The following PPP2R2B variants were observed in gnomAD, a reference collection of about 807,000 sequenced individuals.
The protein encoded by PPP2R2B is serine/threonine-protein phosphatase 2A 55 kDa regulatory subunit B beta isoform.
In PPP2R2B, 5 loss-of-function variants were observed where a neutral mutation model predicts 46.0. The ratio of observed to expected loss-of-function variants is 0.11; its 90% CI spans 0.06 to 0.23. The LOEUF (loss-of-function observed/expected upper bound fraction) is 0.23. PPP2R2B is among the 10% of genes least tolerant of loss of function. PPP2R2B has a pLI of 1.00. For missense variants in PPP2R2B, 367 were observed against 575.0 expected (o/e 0.64, Z 3.70); for synonymous variants, 215 against 206.7 (o/e 1.04, Z -0.34).
chr5:146,996,311 T>A (rs1033942380), intron 1 of PPP2R2B, among the ~76,000 whole-genome samples: 1 of 152,306 alleles, frequency 6.6e-6, no homozygotes, highest in South Asian at 2.1e-4. Context: ...GAAGTCATTA[T>A]GGGGCATAGC....
intron 2 of PPP2R2B, among the ~76,000 whole-genome samples, chr5:147,079,881 T>G (rs1454835832): frequency 1.3e-5 from 2 of 152,158 alleles, no homozygotes; most frequent in African/African-American, 4.8e-5. Flanking sequence ...AGGTAATGGA[T>G]ATGCTAATCA....
intron 2 of PPP2R2B, among the ~76,000 whole-genome samples, chr5:146,812,815 A>ATATATATT (rs1554140184): frequency 2.8e-5 from 1 of 35,636 alleles, no homozygotes; most frequent in Non-Finnish European, 6.4e-5. Context: ...ATATATATAT[A>ATATATATT]TATATATATA....
chr5:146,894,209 G>T (rs1762576529), intron 1 of PPP2R2B, among the ~76,000 whole-genome samples: 1 of 152,196 alleles, frequency 6.6e-6, no homozygotes, highest in South Asian at 2.1e-4. Flanking sequence ...CTAAAGTGCA[G>T]ATCTGATCAT....
intron 7 of PPP2R2B, among the ~76,000 whole-genome samples, chr5:146,608,290 A>ATTTC (rs1055160549): frequency 6.6e-6 from 1 of 152,104 alleles, no homozygotes; most frequent in African/African-American, 2.4e-5. Context: ...TAAACTGCAA[A>ATTTC]TTTCTTTCCT....
chr5:146,724,952 G>C (rs1338636124), intron 2 of PPP2R2B, among the ~76,000 whole-genome samples: 7 of 152,098 alleles, frequency 4.6e-5, no homozygotes, highest in Admixed American at 4.6e-4. Flanking sequence ...GTTAGGAAGG[G>C]AGAACACTGA....
chr5:146,903,393 T>C (rs7729242), intron 1 of PPP2R2B, among the ~76,000 whole-genome samples: 1,971 of 45,632 alleles, frequency 0.043, 43 homozygotes, highest in African/African-American at 0.25. Context: ...TTCTTTCTCT[T>C]TTTTTTTTTT....
chr5:146,755,391 T>C (rs1040860924), intron 2 of PPP2R2B, among the ~76,000 whole-genome samples: 4 of 152,238 alleles, frequency 2.6e-5, no homozygotes, highest in African/African-American at 9.6e-5. Flanking sequence ...ACTCATTTAA[T>C]AATAAACAAG....
At chr5:146,720,770 C>T (rs1780749356) in intron 2 of PPP2R2B, among the ~76,000 whole-genome samples, 2 of 152,174 alleles carry the variant, frequency 1.3e-5, no homozygotes, top group Admixed American at 1.3e-4. Flanking sequence ...TGAATATTGA[C>T]AGATTCAGTT....
rs151100881 is a variant in PPP2R2B at position 146,711,968 on chromosome 5, T to C, written c.71-10826A>G. On this transcript the variant is annotated intron_variant, in intron 2 of 9. Transcript: ENST00000394411. ...CCTTGCATGCAATAAATCTCTTTTATTTCTCTAAAGGACAAATTGAACACT... is the reference window on the plus strand; with the variant it reads ...CCTTGCATGCAATAAATCTCTTTTACTTCTCTAAAGGACAAATTGAACACT... Among the ~76,000 whole-genome samples the C allele has an allele frequency of 6.0e-4, 92 of 152,322 alleles. 2 individuals are homozygous for C. The East Asian group carries it at 0.017, about 27-fold the overall frequency.
At chr5:146,689,648 T>G (rs929522235) in intron 5 of PPP2R2B, among the ~76,000 whole-genome samples, 1 of 152,200 alleles carries the variant, frequency 6.6e-6, no homozygotes, top group Non-Finnish European at 1.5e-5. Flanking sequence ...CCAAGGTCAC[T>G]AGCGGAAAGT....
intron 2 of PPP2R2B, among the ~76,000 whole-genome samples, chr5:146,863,410 G>T (rs146580240): frequency 1.3e-5 from 2 of 152,218 alleles, no homozygotes; most frequent in East Asian, 3.9e-4. Context: ...ATGAGTTCCA[G>T]TTTGCATGTC....
At chr5:146,996,910 G>A (rs554008865) in intron 1 of PPP2R2B, among the ~76,000 whole-genome samples, 1 of 152,112 alleles carries the variant, frequency 6.6e-6, no homozygotes, top group South Asian at 2.1e-4. Flanking sequence ...CTCCCTCCAG[G>A]CCTGCCCTAC....
At chr5:146,786,053 G>A (rs149176238) in intron 2 of PPP2R2B, among the ~76,000 whole-genome samples, 14 of 151,972 alleles carry the variant, frequency 9.2e-5, no homozygotes, top group African/African-American at 3.1e-4. Flanking sequence ...CAACATGAAG[G>A]AATAATAAAA....
intron 2 of PPP2R2B, among the ~76,000 whole-genome samples, chr5:146,715,959 T>A (rs1780474219): frequency 6.6e-6 from 1 of 152,174 alleles, no homozygotes; most frequent in Non-Finnish European, 1.5e-5. Context: ...CTCCTCAGAC[T>A]CTCAAAGCAA....
intron 1 of PPP2R2B, among the ~76,000 whole-genome samples, chr5:146,901,781 C>A (rs575326656): frequency 1.8e-4 from 27 of 152,028 alleles, no homozygotes; most frequent in Non-Finnish European, 3.4e-4. Flanking sequence ...ACAATTCAGT[C>A]GATTCAAATA....
chr5:146,946,376 T>G (rs1018946116), intron 1 of PPP2R2B, among the ~76,000 whole-genome samples: 1 of 152,132 alleles, frequency 6.6e-6, no homozygotes, highest in African/African-American at 2.4e-5. Context: ...ATGCTTGAAT[T>G]CATGGTAATT....
At chr5:146,604,100 C>T (rs991928774) in intron 7 of PPP2R2B, among the ~76,000 whole-genome samples, 2 of 152,204 alleles carry the variant, frequency 1.3e-5, no homozygotes, top group African/African-American at 4.8e-5. Flanking sequence ...TCCAGCACTA[C>T]TCCTAGTGAG....
At chr5:146,597,811 T>C (rs1360673366) in intron 8 of PPP2R2B, among the ~76,000 whole-genome samples, 1 of 152,196 alleles carries the variant, frequency 6.6e-6, no homozygotes, top group Non-Finnish European at 1.5e-5. Flanking sequence ...CATCACAAAA[T>C]TCACAAACCT....
chr5:146,787,883 T>A (rs1438286754), intron 2 of PPP2R2B, among the ~76,000 whole-genome samples: 1 of 152,116 alleles, frequency 6.6e-6, no homozygotes, highest in East Asian at 1.9e-4. Flanking sequence ...TTTCTTTCTT[T>A]AGGCTCAAAT....
Sources: gnomAD v4.1 joint callset for allele counts (sites outside exome capture counted in the v4.1 genomes callset) on GRCh38, gnomAD v4.1.1 for gene constraint, MANE v1.5 for transcripts, NCBI Gene and HGNC (gene_info 2026-07-23, HGNC 2026-07-21) for gene names.